Variants in ABAT observed in about 807,000 individuals in gnomAD.
ABAT encodes 4-aminobutyrate aminotransferase, mitochondrial.
Under a neutral mutation model 64.6 loss-of-function variants are expected in ABAT, and 45 were observed. The observed-to-expected ratio is 0.70, with a 90% CI of 0.55 to 0.89. ABAT has a LOEUF of 0.89. Ranked by LOEUF, ABAT falls within the 40% of genes least tolerant of loss-of-function variation. ABAT has a pLI of 0.00. For missense variants in ABAT, 633 were observed against 658.4 expected, an observed-to-expected ratio of 0.96 and a Z score of 0.42; for synonymous variants, 297 against 250.5, an observed-to-expected ratio of 1.19 and a Z score of -1.75.
Position 8,742,865 on chromosome 16 carries a change from C to CAAA in ABAT, c.71-3117_71-3115dup, listed in dbSNP as rs71152927. Among the ~76,000 whole-genome samples the CAAA allele has an allele frequency of 4.3e-4, 42 of 96,870 alleles. 1 individual carries two copies. The highest frequency in any genetic ancestry group is 5.2e-3 in the Middle Eastern group (1 of 192). The allele number at this position is 96,870 out of a possible 152,430, so 63.6% of individuals were successfully genotyped here. A position where few individuals can be genotyped will look rare whatever the true frequency, so the allele number is the denominator to read the frequency against. Reference sequence around the variant, plus strand: ...TGGGCGACAGAGTGAGACCCTGTCTCAAAAAAAAAAAAAAAAAAAAAGTAG... The same window carrying CAAA: ...TGGGCGACAGAGTGAGACCCTGTCTCAAAAAAAAAAAAAAAAAAAAAAAAGTAG... On this transcript the variant is annotated intron_variant, in intron 2 of 15. Transcript: ENST00000268251.
At chr16:8,777,862 C>T (rs1365597920) in intron 14 of ABAT, among the ~76,000 whole-genome samples, 2 of 152,106 alleles carry the variant, frequency 1.3e-5, no homozygotes, top group Non-Finnish European at 2.9e-5. Context: ...CCTGTAACCC[C>T]AGTACTTAGG....
chr16:8,679,584 G>A (rs539634512), intron 1 of ABAT, among the ~76,000 whole-genome samples: 5 of 150,074 alleles, frequency 3.3e-5, no homozygotes, highest in Non-Finnish European at 3.0e-5. Flanking sequence ...TCATTGGGCC[G>A]CTGTGAGGAT....
rs1062593 is a variant in ABAT at position 8,768,868 on chromosome 16, C to T, written c.711C>T (p.Asp237=). The T allele has an allele frequency of 6.2e-7, 1 of 1,614,226 alleles. No homozygotes were observed. The highest frequency in any genetic ancestry group is 8.5e-7 in the Non-Finnish European group (1 of 1,180,046). Residue 237 remains aspartate, a synonymous_variant, in exon 11 of 16, where the codon GAC becomes GAT. Coordinates refer to ENST00000268251, the MANE Select transcript of ABAT (RefSeq NM_020686.6). ...ACTCTAAAGCCATTCACAAGATCGACATCCCTTCCTTTGACTGGCCCATCG... is the reference window on the plus strand; with the variant it reads ...ACTCTAAAGCCATTCACAAGATCGATATCCCTTCCTTTGACTGGCCCATCG... The part of the protein sequence containing the change: ...TTHSKAIHKI[D]IPSFDWPIAP...
chr16:8,705,694 G>A (rs1246948028), intron 1 of ABAT, among the ~76,000 whole-genome samples: 1 of 152,158 alleles, frequency 6.6e-6, no homozygotes, highest in East Asian at 1.9e-4. Context: ...CAGTTCGTTG[G>A]TTGGTGGTTG....
chr16:8,738,610 G>GTTTTT lies in ABAT; in HGVS notation c.70+2802_70+2806dup, dbSNP rs1481834240. On this transcript the variant is annotated intron_variant, in intron 2 of 15. Transcript: ENST00000268251. ...TTTTCCTTTTTTCTTTTTTGTTTTT[G>GTTTTT]TTTTTGTTTTTGTTTTTGTTTTTTT... Among the ~76,000 whole-genome samples the GTTTTT allele has an allele frequency of 1.6e-4, 20 of 122,046 alleles. 1 individual carries two copies. The highest frequency in any genetic ancestry group is 5.5e-4 in the African/African-American group (15 of 27,378). 80.1% of individuals were successfully genotyped at this position (122,046 alleles called of 152,430 possible).
intron 1 of ABAT, among the ~76,000 whole-genome samples, chr16:8,703,225 T>A (rs1194169555): frequency 5.3e-5 from 8 of 152,046 alleles, no homozygotes; most frequent in Non-Finnish European, 1.2e-4. Context: ...GGTGGGTGGA[T>A]CACCTGAGGT....
intron 1 of ABAT, among the ~76,000 whole-genome samples, chr16:8,707,004 G>A (rs760739823): frequency 5.3e-5 from 8 of 152,054 alleles, no homozygotes; most frequent in Non-Finnish European, 1.0e-4. Context: ...GGGTGGGGTG[G>A]CATGTCAGTA....
chr16:8,675,553 C>A (rs1472241467), intron 1 of ABAT, among the ~76,000 whole-genome samples: 1 of 152,176 alleles, frequency 6.6e-6, no homozygotes, highest in African/African-American at 2.4e-5. Flanking sequence ...TCCACTCCCA[C>A]ACCTGGCTGC....
rs182171295 is a variant in ABAT, at chr16:8,687,773, C to T, written c.-42+13062C>T. On this transcript the variant is annotated intron_variant, in intron 1 of 15. Transcript: ENST00000268251. The stretch of plus-strand genomic sequence containing the variant: ...CTGTGCTGCTGGCTCCCTGAGTGCC[C>T]GGGAGCCAGTGATTTCTGTCCAGGC... Among the ~76,000 whole-genome samples the T allele has an allele frequency of 2.8e-3, 426 of 152,258 alleles. 1 individual carries two copies. Among genetic ancestry groups the T allele is most frequent in the African/African-American group, 9.7e-3 (402 of 41,546 alleles).
intron 1 of ABAT, among the ~76,000 whole-genome samples, chr16:8,694,802 C>T (rs918829238): frequency 5.3e-5 from 8 of 152,212 alleles, no homozygotes; most frequent in African/African-American, 1.9e-4. Context: ...GCTGAGACAT[C>T]CCTGGAGTAA....
In ABAT at chr16:8,784,248, T is replaced by G. The variant is rs1362573979; in HGVS notation, c.*2818T>G. The G allele has an allele frequency of 3.3e-5, 5 of 152,644 alleles. No homozygotes were observed. The highest frequency in any genetic ancestry group is 1.2e-4 in the African/African-American group (5 of 41,458). The allele number at this position is 152,644 out of a possible 1,614,324, so 9.5% of individuals were successfully genotyped here. ...TCCAGTAATAGCAAGTCTTAGTACA[T>G]CCTCACTTTTATTATAAATGGGTGT... On this transcript the variant is annotated 3_prime_UTR_variant, in exon 16 of 16. Coordinates refer to ENST00000268251, the MANE Select transcript of ABAT (RefSeq NM_020686.6).
chr16:8,677,005 G>T (rs2057218503), intron 1 of ABAT, among the ~76,000 whole-genome samples: 2 of 152,194 alleles, frequency 1.3e-5, no homozygotes, highest in Non-Finnish European at 2.9e-5. Context: ...AGGATTGGTT[G>T]TTGTGCCCCA....
intron 1 of ABAT, among the ~76,000 whole-genome samples, chr16:8,692,375 C>T (rs2057603642): frequency 6.6e-6 from 1 of 151,824 alleles, no homozygotes; most frequent in Non-Finnish European, 1.5e-5. Flanking sequence ...GACCCTATCT[C>T]AAAAAAATAC....
chr16:8,754,662 A>ATTTCTTTCTTTC lies in ABAT; in HGVS notation c.317-3092_317-3091insCTTTCTTTCTTT, dbSNP rs779413223. On this transcript the variant is annotated intron_variant, in intron 5 of 15. Coordinates refer to ENST00000268251, the MANE Select transcript of ABAT (RefSeq NM_020686.6). ...GAGTTTCAGCATTTTCAGCAAGTTG[A>ATTTCTTTCTTTC]TTTATTTATTTCTTTCTTTCTTTCT... is the stretch of plus-strand genomic sequence containing the variant. Among the ~76,000 whole-genome samples the ATTTCTTTCTTTC allele has an allele frequency of 4.2e-3, 619 of 146,048 alleles. 6 individuals carry two copies. The highest frequency in any genetic ancestry group is 0.011 in the African/African-American group (415 of 38,034).
intron 14 of ABAT, among the ~76,000 whole-genome samples, chr16:8,777,569 C>G (rs1641026): frequency 0.74 from 111,662 of 151,592 alleles, 41,106 homozygotes; most frequent in South Asian, 0.77. Context: ...ACCGTAAGGA[C>G]GTGTGGGGAT....
At chr16:8,759,320 A>ATT (rs1209812736) in intron 6 of ABAT, among the ~76,000 whole-genome samples, 10 of 151,984 alleles carry the variant, frequency 6.6e-5, no homozygotes, top group Non-Finnish European at 1.5e-4. Flanking sequence ...TATGGAGTGT[A>ATT]TCTGTGTGTT....
At chr16:8,681,934 C>T (rs981361978) in intron 1 of ABAT, among the ~76,000 whole-genome samples, 1 of 152,082 alleles carries the variant, frequency 6.6e-6, no homozygotes, top group Non-Finnish European at 1.5e-5. Flanking sequence ...AGCCACCTCT[C>T]CTGGCCCACC....
chr16:8,764,607 A>C lies in ABAT; in HGVS notation c.448-131A>C. 1 of 904,234 alleles carries C rather than the reference A, an allele frequency of 1.1e-6. No homozygotes were observed. 56.0% of individuals were successfully genotyped at this position (904,234 alleles called of 1,614,324 possible). A position where few individuals can be genotyped will look rare whatever the true frequency, so the allele number is the denominator to read the frequency against. On this transcript the variant is annotated intron_variant, in intron 7 of 15. Transcript: ENST00000268251. This position sits in a 1 kb window ranked among gnomAD's most constrained non-coding sequence, Gnocchi z 4.2. ...AGCCTGAGCCCACCCTCCCAGTCCG[A>C]CACCTTCCAGGACAGCCCTGGTTCT...
intron 5 of ABAT, among the ~76,000 whole-genome samples, chr16:8,753,549 G>A (rs961196570): frequency 6.6e-6 from 1 of 152,214 alleles, no homozygotes; most frequent in East Asian, 1.9e-4. Context: ...AGCCAGTAAG[G>A]CACGCCACAT....
Sources: gnomAD v4.1 joint callset for allele counts (sites outside exome capture counted in the v4.1 genomes callset) on GRCh38, gnomAD v4.1.1 for gene constraint, Gnocchi (gnomAD v3.1) non-coding constraint, MANE v1.5 for transcripts, NCBI Gene and HGNC (gene_info 2026-07-23, HGNC 2026-07-21) for gene names.